HS3ST4: variants seen among roughly 807,000 people sequenced by gnomAD.
HS3ST4 encodes the protein heparan sulfate glucosamine 3-O-sulfotransferase 4.
A neutral mutation model predicts 29.2 loss-of-function variants in HS3ST4; 17 were observed. That is an observed-to-expected ratio of 0.58 (90% CI 0.40 to 0.87). The LOEUF is 0.87. HS3ST4 is among the 40% of genes least tolerant of loss of function. HS3ST4 has a pLI of 0.00. For synonymous variants in HS3ST4, 314 were observed against 285.7 expected (o/e 1.10, Z -1.00); for missense variants, 627 against 634.5 (o/e 0.99, Z 0.13).
intron 1 of HS3ST4, among the ~76,000 whole-genome samples, chr16:25,909,914 G>A (rs1265687042): frequency 1.3e-5 from 2 of 152,140 alleles, no homozygotes; most frequent in Non-Finnish European, 2.9e-5. Context: ...TGCCCAGGCT[G>A]GAGTGCAATG....
intron 1 of HS3ST4, among the ~76,000 whole-genome samples, chr16:26,006,128 A>G (rs556095057): frequency 9.2e-5 from 14 of 151,902 alleles, no homozygotes; most frequent in African/African-American, 3.1e-4. Flanking sequence ...GTAAAACCCC[A>G]TCTCTACTAA....
rs375338839 is a variant in HS3ST4, at chr16:26,038,970, A to G, written c.735-96642A>G. ...AGTGCTGGGATTACAGGCATGAGCC[A>G]CTGCACCCAGCCTGGTTCTTCCTTC... On this transcript the variant is annotated intron_variant, in intron 1 of 1. Transcript: ENST00000331351. Among the ~76,000 whole-genome samples the G allele has an allele frequency of 1.4e-4, 22 of 152,188 alleles. No individual in the cohort carries two copies. The East Asian group carries it at 3.9e-3, about 27-fold the overall frequency.
At chr16:25,861,870 C>T (rs1297991827) in intron 1 of HS3ST4, among the ~76,000 whole-genome samples, 1 of 152,098 alleles carries the variant, frequency 6.6e-6, no homozygotes, top group Non-Finnish European at 1.5e-5. Flanking sequence ...TTATGTCTTG[C>T]TCATTTCACT....
intron 1 of HS3ST4, among the ~76,000 whole-genome samples, chr16:25,975,388 C>T (rs1260177777): frequency 6.6e-6 from 1 of 152,006 alleles, no homozygotes. Context: ...TACCCCAGAC[C>T]TCAGTGTCAC....
intron 1 of HS3ST4, among the ~76,000 whole-genome samples, chr16:25,911,433 G>C (rs868587040): frequency 6.7e-6 from 1 of 149,116 alleles, no homozygotes; most frequent in Non-Finnish European, 1.5e-5. Context: ...TCTCCTCCTT[G>C]TCTCCATCTC....
intron 1 of HS3ST4, among the ~76,000 whole-genome samples, chr16:26,031,921 G>A (rs1173455627): frequency 2.0e-5 from 3 of 152,194 alleles, no homozygotes; most frequent in Admixed American, 1.3e-4. Flanking sequence ...AGTTTAGAGT[G>A]AGGGTTGACA....
At position 26,049,327 on chromosome 16, in the gene HS3ST4, G is replaced by GTCCGGAGGTCTACATCCGGAGGTCTACA. The variant is rs71158987; in HGVS notation, c.735-86235_735-86208dup. On this transcript the variant is annotated intron_variant, in intron 1 of 1. Coordinates refer to ENST00000331351, the MANE Select transcript of HS3ST4 (RefSeq NM_006040.3). ...AGGAAAAAGGTGGACCTGCTGGGAA[G>GTCCGGAGGTCTACATCCGGAGGTCTACA]TCCGGAGGTCTACATCCGGAGGTCT... Among the ~76,000 whole-genome samples, 629 of 125,906 alleles carry GTCCGGAGGTCTACATCCGGAGGTCTACA rather than the reference G, an allele frequency of 5.0e-3. 9 individuals are homozygous for GTCCGGAGGTCTACATCCGGAGGTCTACA. The highest frequency in any genetic ancestry group is 6.0e-3 in the Non-Finnish European group (359 of 60,238). 82.6% of individuals were successfully genotyped at this position (125,906 alleles called of 152,430 possible).
chr16:25,883,285 T>C (rs1967913425), intron 1 of HS3ST4, among the ~76,000 whole-genome samples: 1 of 152,066 alleles, frequency 6.6e-6, no homozygotes, highest in South Asian at 2.1e-4. Flanking sequence ...AAAAAGCCTT[T>C]TGCTCAAGAC....
intron 1 of HS3ST4, among the ~76,000 whole-genome samples, chr16:25,860,941 AAT>A (rs1967630397): frequency 6.6e-6 from 1 of 152,124 alleles, no homozygotes; most frequent in African/African-American, 2.4e-5. Flanking sequence ...GGATGCTGAT[AAT>A]GAGGGAGGCT....
intron 1 of HS3ST4, among the ~76,000 whole-genome samples, chr16:25,935,217 T>A (rs1487641385): frequency 6.6e-6 from 1 of 152,190 alleles, no homozygotes; most frequent in African/African-American, 2.4e-5. Flanking sequence ...CTCAGGTATT[T>A]CTTTATAGCA....
chr16:26,022,680 C>CT (rs34741128), intron 1 of HS3ST4, among the ~76,000 whole-genome samples: 76,364 of 142,664 alleles, frequency 0.54, 20,484 homozygotes, highest in South Asian at 0.71. Flanking sequence ...AATTTTCTTC[C>CT]TTTTTTTTTT....
rs191841077 is a variant in HS3ST4 at position 25,821,674 on chromosome 16, C to A, written c.734+128523C>A. Among the ~76,000 whole-genome samples, 568 of 152,260 alleles carry A rather than the reference C, an allele frequency of 3.7e-3. 1 individual carries two copies. The highest frequency in any genetic ancestry group is 5.6e-3 in the Non-Finnish European group (379 of 68,024). ...GGGCACGGTGGCTCACACCTGTAAT[C>A]CTAGCACTTTGGGAGGACGAGGAGG... On this transcript the variant is annotated intron_variant, in intron 1 of 1. Transcript: ENST00000331351.
At chr16:25,710,369 T>C (rs538757417) in intron 1 of HS3ST4, among the ~76,000 whole-genome samples, 17 of 152,308 alleles carry the variant, frequency 1.1e-4, no homozygotes, top group African/African-American at 4.1e-4. Flanking sequence ...CCTGAGGACC[T>C]TGGACTTGTT....
At chr16:26,123,829 C>T (rs1322613493) in intron 1 of HS3ST4, among the ~76,000 whole-genome samples, 1 of 152,196 alleles carries the variant, frequency 6.6e-6, no homozygotes, top group African/African-American at 2.4e-5. Flanking sequence ...ATTGAAGTTG[C>T]TGCAAAAGAC....
chr16:25,997,963 T>C (rs971052413), intron 1 of HS3ST4, among the ~76,000 whole-genome samples: 1 of 152,186 alleles, frequency 6.6e-6, no homozygotes, highest in Non-Finnish European at 1.5e-5. Context: ...CAGCCAGGCA[T>C]GGTGATTCAT....
chr16:25,909,812 A>G lies in HS3ST4; in HGVS notation c.734+216661A>G, dbSNP rs561045429. On this transcript the variant is annotated intron_variant, in intron 1 of 1. Transcript: ENST00000331351. ...GATCCCTTGGCTTGTGAGGGTCAGT[A>G]CAGGCTCAGATATCAAGATTCTAAA... Among the ~76,000 whole-genome samples the G allele has an allele frequency of 5.9e-5, 9 of 152,334 alleles. 1 individual carries two copies. Among genetic ancestry groups the G allele is most frequent in the Admixed American group, 5.9e-4 (9 of 15,304 alleles).
At chr16:25,907,556 C>T (rs542483214) in intron 1 of HS3ST4, among the ~76,000 whole-genome samples, 6 of 152,228 alleles carry the variant, frequency 3.9e-5, no homozygotes, top group African/African-American at 9.6e-5. Flanking sequence ...GAGACTTAGC[C>T]GCCTGCCATG....
chr16:26,008,710 T>C (rs1969281865), intron 1 of HS3ST4, among the ~76,000 whole-genome samples: 1 of 151,990 alleles, frequency 6.6e-6, no homozygotes, highest in Non-Finnish European at 1.5e-5. Context: ...TCCCAGCTAC[T>C]TGGGAGGCTG....
At chr16:25,857,940 C>CTTTCTTTCTTTCTTTCTTTCTTTA (rs1967595913) in intron 1 of HS3ST4, among the ~76,000 whole-genome samples, 1 of 50,288 alleles carries the variant, frequency 2.0e-5, no homozygotes, top group Non-Finnish European at 3.5e-5. Context: ...TTCTTTCTTT[C>CTTTCTTTCTTTCTTTCTTTCTTTA]TTTCTTTCTT....
Sources: allele counts gnomAD v4.1 joint callset (sites outside exome capture counted in the v4.1 genomes callset), GRCh38; gene constraint gnomAD v4.1.1; transcripts MANE v1.5; gene names NCBI Gene and HGNC (gene_info 2026-07-23, HGNC 2026-07-21).